The following TASP1 variants were observed in gnomAD, a reference collection of about 807,000 sequenced individuals.
TASP1 encodes taspase 1.
A neutral mutation model predicts 56.6 loss-of-function variants in TASP1; 16 were observed. That is an observed-to-expected ratio of 0.28 (90% CI 0.19 to 0.43). The LOEUF is 0.43. Ranked by LOEUF, TASP1 falls within the 20% of genes least tolerant of loss-of-function variation. The probability of loss-of-function intolerance (pLI) is 1.00; values close to 1 mark genes in which losing one functional copy is unlikely to be tolerated. For synonymous variants in TASP1, 179 were observed against 184.2 expected, an observed-to-expected ratio of 0.97 and a Z score of 0.23; for missense variants, 393 against 511.6, an observed-to-expected ratio of 0.77 and a Z score of 2.24.
chr20:13,401,706 C>G (rs2041743324), intron 13 of TASP1, among the ~76,000 whole-genome samples: 1 of 152,210 alleles, frequency 6.6e-6, no homozygotes, highest in Non-Finnish European at 1.5e-5. Flanking sequence ...CATTTGGCTA[C>G]TGCTTCCCAA....
intron 8 of TASP1, among the ~76,000 whole-genome samples, chr20:13,537,629 A>G (rs1431215671): frequency 6.6e-6 from 1 of 152,220 alleles, no homozygotes; most frequent in Non-Finnish European, 1.5e-5. Flanking sequence ...AGATACACAT[A>G]TACCTATTGT....
the TASP1 span, among the ~76,000 whole-genome samples, chr20:13,116,894 T>C: frequency 1.4e-5 from 2 of 148,024 alleles, no homozygotes; most frequent in East Asian, 4.0e-4. Flanking sequence ...GATTCTGATG[T>C]TCACTCAACT....
chr20:13,433,520 C>CAAAAATAAAA (rs2042886288), intron 12 of TASP1, among the ~76,000 whole-genome samples: 1 of 89,214 alleles, frequency 1.1e-5, no homozygotes, highest in African/African-American at 4.8e-5. Flanking sequence ...GACAGTATGG[C>CAAAAATAAAA]AAAAAAAAAA....
chr20:13,375,218 T>C, the TASP1 span, among the ~76,000 whole-genome samples: 1 of 152,168 alleles, frequency 6.6e-6, no homozygotes, highest in Non-Finnish European at 1.5e-5. Flanking sequence ...TTTCTCCTAA[T>C]GCTATCCCTC....
the TASP1 span, among the ~76,000 whole-genome samples, chr20:13,311,941 CA>C: frequency 5.9e-3 from 892 of 151,656 alleles, 10 homozygotes; most frequent in African/African-American, 0.02. Context: ...TAAATATTCT[CA>C]AAAAAAATGA....
chr20:13,590,564 A>G (rs996177185), intron 4 of TASP1, among the ~76,000 whole-genome samples: 3 of 152,120 alleles, frequency 2.0e-5, no homozygotes, highest in African/African-American at 4.8e-5. Context: ...GAAGGAAAGA[A>G]AACACAACTG....
At chr20:13,309,524 C>T in the TASP1 span, among the ~76,000 whole-genome samples, 1 of 152,024 alleles carries the variant, frequency 6.6e-6, no homozygotes, top group Non-Finnish European at 1.5e-5. Flanking sequence ...GCTTTTCCTC[C>T]AAGATCAGGA....
the TASP1 span, among the ~76,000 whole-genome samples, chr20:13,342,869 G>A: frequency 2.6e-4 from 39 of 152,148 alleles, no homozygotes; most frequent in Admixed American, 3.3e-4. Context: ...ATCCAGCTCC[G>A]GTCACTTCTC....
At chr20:13,325,576 C>T in the TASP1 span, among the ~76,000 whole-genome samples, 1 of 152,082 alleles carries the variant, frequency 6.6e-6, no homozygotes, top group South Asian at 2.1e-4. Context: ...CCCAGAGAAT[C>T]GATAATGGGT....
intron 13 of TASP1, chr20:13,392,612 A>G: frequency 2.6e-6 from 1 of 377,542 alleles, no homozygotes; most frequent in South Asian, 2.2e-5. Context: ...CAGAATCTTA[A>G]GGCACCCTGC....
chr20:13,200,717 T>C, the TASP1 span, among the ~76,000 whole-genome samples: 1 of 151,278 alleles, frequency 6.6e-6, no homozygotes, highest in Non-Finnish European at 1.5e-5. Context: ...ACCAACGGAG[T>C]GGCCAAAGAA....
At chr20:13,153,159 C>G in the TASP1 span, among the ~76,000 whole-genome samples, 1 of 152,220 alleles carries the variant, frequency 6.6e-6, no homozygotes. Context: ...CACTATCTAG[C>G]TTTGGCTGGC....
In TASP1 at chr20:13,551,731, A is replaced by G. The variant is rs556458574; in HGVS notation, c.675+7277T>C. ...AAGTACAGCAATTGGCCAATGAGTT[A>G]ATGAGTTAAACACTTCATTCCAAAA... is the stretch of plus-strand genomic sequence containing the variant. On this transcript the variant is annotated intron_variant, in intron 8 of 13. Coordinates refer to ENST00000337743, the MANE Select transcript of TASP1 (RefSeq NM_017714.3). Among the ~76,000 whole-genome samples the G allele has an allele frequency of 5.4e-4, 83 of 152,342 alleles. 1 individual carries two copies. The highest frequency in any genetic ancestry group is 1.9e-3 in the African/African-American group (78 of 41,574).
At chr20:13,575,177 G>A (rs1034591538) in intron 6 of TASP1, among the ~76,000 whole-genome samples, 1 of 152,112 alleles carries the variant, frequency 6.6e-6, no homozygotes, top group Non-Finnish European at 1.5e-5. Context: ...AAAAATCAAA[G>A]AATCACTAAA....
chr20:13,632,957 C>A (rs926634894), intron 1 of TASP1, among the ~76,000 whole-genome samples: 2 of 152,122 alleles, frequency 1.3e-5, no homozygotes, highest in African/African-American at 2.4e-5. Context: ...CACTTAAATA[C>A]CATTTTTTAA....
intron 11 of TASP1, among the ~76,000 whole-genome samples, chr20:13,479,550 C>A (rs1380612308): frequency 6.6e-6 from 1 of 151,406 alleles, no homozygotes; most frequent in Non-Finnish European, 1.5e-5. Context: ...GCAATCTCTG[C>A]CTCCCATGTT....
At chr20:13,227,945 C>G in the TASP1 span, among the ~76,000 whole-genome samples, 2 of 147,544 alleles carry the variant, frequency 1.4e-5, no homozygotes, top group African/African-American at 5.0e-5. Flanking sequence ...ATTTCTTTAT[C>G]TAGCTGCTGC....
intron 10 of TASP1, among the ~76,000 whole-genome samples, chr20:13,506,613 C>A (rs6033741): frequency 0.24 from 37,199 of 151,892 alleles, 4,681 homozygotes; most frequent in Middle Eastern, 0.3. Flanking sequence ...ATGGGACACA[C>A]CACATTAATA....
At chr20:13,229,660 C>T in the TASP1 span, among the ~76,000 whole-genome samples, 984 of 152,256 alleles carry the variant, frequency 6.5e-3, 10 homozygotes, top group African/African-American at 0.023. Context: ...CCTATGTTTT[C>T]ATTTCTTGTG....
Sources: gnomAD v4.1 joint callset for allele counts (sites outside exome capture counted in the v4.1 genomes callset) on GRCh38, gnomAD v4.1.1 for gene constraint, MANE v1.5 for transcripts, NCBI Gene and HGNC (gene_info 2026-07-23, HGNC 2026-07-21) for gene names.